The following ARRB2 variants were observed in gnomAD, a reference collection of about 807,000 sequenced individuals.
ARRB2 encodes arrestin beta 2.
Under a neutral mutation model 53.4 loss-of-function variants are expected in ARRB2, and 21 were observed. The ratio of observed to expected loss-of-function variants is 0.39; its 90% CI spans 0.28 to 0.57. The LOEUF is 0.57. Ranked by LOEUF, ARRB2 falls within the 20% of genes least tolerant of loss-of-function variation. The pLI, the probability that ARRB2 is intolerant of heterozygous loss-of-function variation, is 0.55. For synonymous variants in ARRB2, 180 were observed against 212.9 expected (o/e 0.85, Z 1.34); for missense variants, 369 against 527.5 (o/e 0.70, Z 2.94).
intron 1 of ARRB2, chr17:4,714,777 C>G: frequency 4.1e-6 from 1 of 244,642 alleles, no homozygotes; most frequent in Non-Finnish European, 7.1e-6. Context: ...CCCTTGCCAC[C>G]ACGTTAGAAA....
rs182724558 is a variant in ARRB2 at position 4,715,740 on chromosome 17, G to A, written c.55-233G>A. 8.3e-5 allele frequency: 40 copies of A among 479,078 alleles called. 1 individual carries two copies. The highest frequency in any genetic ancestry group is 4.0e-4 in the African/African-American group (18 of 44,948). 29.7% of individuals were successfully genotyped at this position (479,078 alleles called of 1,614,324 possible). On this transcript the variant is annotated intron_variant, in intron 2 of 14. Transcript: ENST00000269260. ...ACACACACACAAACACACACACACCGGGCTGGTGGGCAGAGGTGTGCAGAG... is the reference window on the plus strand; with the variant it reads ...ACACACACACAAACACACACACACCAGGCTGGTGGGCAGAGGTGTGCAGAG...
intron 2 of ARRB2, chr17:4,715,603 A>G: frequency 2.8e-6 from 1 of 352,286 alleles, no homozygotes; most frequent in South Asian, 2.8e-5. Flanking sequence ...ACACAAACAC[A>G]CCTCGCTGGT....
At chr17:4,719,906 C>G (rs1015419337) in intron 11 of ARRB2, among the ~76,000 whole-genome samples, 1 of 152,122 alleles carries the variant, frequency 6.6e-6, no homozygotes, top group African/African-American at 2.4e-5. Flanking sequence ...ACAGCAGGCC[C>G]GGAGGGCAAC....
In ARRB2 at chr17:4,721,436, T is replaced by C. The variant is rs1467682196; in HGVS notation, c.*397T>C. 1 of 405,940 alleles carries C rather than the reference T, an allele frequency of 2.5e-6. No homozygotes were observed. Among genetic ancestry groups the C allele is most frequent in the African/African-American group, 2.0e-5 (1 of 48,848 alleles). 25.1% of individuals were successfully genotyped at this position (405,940 alleles called of 1,614,324 possible). A position where few individuals can be genotyped will look rare whatever the true frequency, so the allele number is the denominator to read the frequency against. ...CCCATTCCTTCAAGAGGAGACCCTT[T>C]GGGGACAAGGCCGTTTCTTTGTTTC... On this transcript the variant is annotated 3_prime_UTR_variant, in exon 15 of 15. Transcript: ENST00000269260. This position sits in a 1 kb window ranked among gnomAD's most constrained non-coding sequence, Gnocchi z 4.2.
rs145609305 is a variant in ARRB2, at chr17:4,719,400, C to G, written c.897C>G (p.Thr299=). Residue 299 remains threonine, a synonymous_variant, in exon 11 of 15, where the codon ACC becomes ACG. Coordinates refer to ENST00000269260, the MANE Select transcript of ARRB2 (RefSeq NM_004313.4). The part of the protein sequence containing the change: ...ALDGKLKHED[T]NLASSTIVKE... ...ATGGGAAACTCAAGCACGAGGACAC[C>G]AACCTGGCTTCCAGCACCATGTGAG... The G allele has an allele frequency of 6.2e-7, 1 of 1,614,076 alleles. No homozygotes were observed. The highest frequency in any genetic ancestry group is 1.3e-5 in the African/African-American group (1 of 75,064).
At position 4,717,035 on chromosome 17, in the gene ARRB2, C is replaced by T. The variant is rs1411234514; in HGVS notation, c.358-182C>T. Reference sequence around the variant, plus strand: ...TTTTAGTAGTGATGGGGTTTTGCCACGTTGGTCAGGCTGGTCTGGAACCCC... The same window carrying T: ...TTTTAGTAGTGATGGGGTTTTGCCATGTTGGTCAGGCTGGTCTGGAACCCC... On this transcript the variant is annotated intron_variant, in intron 5 of 14. Transcript: ENST00000269260. The surrounding 1 kb of genome is among the most constrained non-coding windows in gnomAD (Gnocchi z 6.0). 5 of 673,520 alleles carry T rather than the reference C, an allele frequency of 7.4e-6. No homozygotes were observed. The highest frequency in any genetic ancestry group is 1.3e-5 in the Non-Finnish European group (5 of 388,516). 41.7% of individuals were successfully genotyped at this position (673,520 alleles called of 1,614,324 possible).
chr17:4,717,073 A>G lies in ARRB2; in HGVS notation c.358-144A>G. ...GGTCTGGAACCCCTGACCTCAGGTG[A>G]TCCGCCCACCTTAGCCTTCCAAAGT... On this transcript the variant is annotated intron_variant, in intron 5 of 14. Coordinates refer to ENST00000269260, the MANE Select transcript of ARRB2 (RefSeq NM_004313.4). This position sits in a 1 kb window ranked among gnomAD's most constrained non-coding sequence, Gnocchi z 6.0. The G allele has an allele frequency of 2.2e-6, 2 of 927,914 alleles. No individual in the cohort carries two copies. Among genetic ancestry groups the G allele is most frequent in the Non-Finnish European group, 3.4e-6 (2 of 581,680 alleles). 57.5% of individuals were successfully genotyped at this position (927,914 alleles called of 1,614,324 possible).
Position 4,718,281 on chromosome 17 carries a change from C to T in ARRB2, c.642C>T (p.Pro214=). ...LDKELYYHGE[P]LNVNVHVTNN... The stretch of plus-strand genomic sequence containing the variant: ...AAAAGCTGTACTACCATGGGGAGCC[C>T]CTCAATGTAAATGTCCACGTCACCA... Residue 214 remains proline (P), a synonymous_variant, in exon 9 of 15, where the codon CCC becomes CCT. Transcript: ENST00000269260. 1 of 1,612,166 alleles carries T rather than the reference C, an allele frequency of 6.2e-7. No homozygotes were observed. The highest frequency in any genetic ancestry group is 8.5e-7 in the Non-Finnish European group (1 of 1,179,206).
intron 2 of ARRB2, chr17:4,715,547 G>C (rs979072357): frequency 2.5e-5 from 6 of 243,286 alleles, no homozygotes; most frequent in Non-Finnish European, 4.7e-5. Flanking sequence ...TCCTCCCTGA[G>C]GATGCAAACA....
In ARRB2 at chr17:4,716,602, C is replaced by T. The variant is rs771948751; in HGVS notation, c.351C>T (p.Phe117=). The T allele has an allele frequency of 6.0e-6, 9 of 1,500,538 alleles. No individual in the cohort carries two copies. The highest frequency in any genetic ancestry group is 8.1e-6 in the Non-Finnish European group (9 of 1,116,708). The allele number at this position is 1,500,538 out of a possible 1,614,324, so 93.0% of individuals were successfully genotyped here. A position where few individuals can be genotyped will look rare whatever the true frequency, so the allele number is the denominator to read the frequency against. Residue 117 remains phenylalanine, a synonymous_variant, in exon 5 of 15, where the codon TTC becomes TTT. Coordinates refer to ENST00000269260, the MANE Select transcript of ARRB2 (RefSeq NM_004313.4). ...TGGGCCAGCATGCCCACCCCTTCTT[C>T]TTCACCGTGAGGATGCCCCTGCCCT... is the stretch of plus-strand genomic sequence containing the variant. ...RKLGQHAHPF[F]FTIPQNLPCS...
intron 1 of ARRB2, among the ~76,000 whole-genome samples, chr17:4,713,790 C>CAA (rs562386798): frequency 4.5e-3 from 543 of 120,278 alleles, no homozygotes; most frequent in African/African-American, 6.0e-3. Flanking sequence ...ACTCCATCTC[C>CAA]AAAAAAAAAA....
chr17:4,718,740 G>A, intron 10 of ARRB2, 56 bp downstream of exon 10: 1 of 1,455,670 alleles, frequency 6.9e-7, no homozygotes, highest in Admixed American at 1.9e-5. Flanking sequence ...AGGATCAGGA[G>A]AATGTGAGGT....
chr17:4,710,848 G>T (rs1463967088), intron 1 of ARRB2, 104 bp downstream of exon 1: 1 of 397,070 alleles, frequency 2.5e-6, no homozygotes, highest in East Asian at 3.6e-5. Flanking sequence ...GGGGCCGGAC[G>T]CCTGGGTCCC....
chr17:4,711,769 C>T (rs1914432390), intron 1 of ARRB2, among the ~76,000 whole-genome samples: 1 of 152,214 alleles, frequency 6.6e-6, no homozygotes, highest in East Asian at 1.9e-4. Context: ...CCCTGATTTC[C>T]GTCATGTGGT....
intron 5 of ARRB2, chr17:4,716,995 C>G: frequency 3.3e-6 from 2 of 597,674 alleles, no homozygotes; most frequent in East Asian, 5.8e-5. Flanking sequence ...CCACCACACA[C>G]GACTAATTTT....
intron 10 of ARRB2, 90 bp downstream of exon 10, chr17:4,718,774 A>T: frequency 8.7e-7 from 1 of 1,154,806 alleles, no homozygotes; most frequent in Non-Finnish European, 1.2e-6. Context: ...TTCCTGAGCC[A>T]TCTCCACCTT....
chr17:4,716,660 T>G, intron 5 of ARRB2, 52 bp downstream of exon 5: 1 of 1,539,270 alleles, frequency 6.5e-7, no homozygotes, highest in South Asian at 1.2e-5. Context: ...TGGGACTGTG[T>G]CTGGGGTGGG....
At position 4,716,521 on chromosome 17, in the gene ARRB2, G is replaced by T; in HGVS notation, c.270G>T (p.Pro90=). The T allele has an allele frequency of 6.5e-7, 1 of 1,530,628 alleles. No individual in the cohort carries two copies. The highest frequency in any genetic ancestry group is 2.5e-5 in the East Asian group (1 of 39,852). The allele number at this position is 1,530,628 out of a possible 1,614,324, so 94.8% of individuals were successfully genotyped here. A position where few individuals can be genotyped will look rare whatever the true frequency, so the allele number is the denominator to read the frequency against. ...TCGCCACCTACCAGGCCTTCCCCCC[G>T]GTGCCCAACCCACCCCGGCCCCCCA... ...LFIATYQAFP[P]VPNPPRPPTR... is the part of the protein sequence containing the mutation. Residue 90 remains proline (P), a synonymous_variant, in exon 5 of 15, where the codon CCG becomes CCT. Coordinates refer to ENST00000269260, the MANE Select transcript of ARRB2 (RefSeq NM_004313.4).
intron 2 of ARRB2, chr17:4,715,623 T>G: frequency 3.2e-6 from 1 of 313,394 alleles, no homozygotes; most frequent in Non-Finnish European, 5.8e-6. Context: ...TTGGGCTGAG[T>G]CCTCCCTGAG....
Sources: gnomAD v4.1 joint callset for allele counts (sites outside exome capture counted in the v4.1 genomes callset) on GRCh38, gnomAD v4.1.1 for gene constraint, Gnocchi (gnomAD v3.1) non-coding constraint, MANE v1.5 for transcripts, NCBI Gene and HGNC (gene_info 2026-07-23, HGNC 2026-07-21) for gene names.